RPS6KA2: variants seen among roughly 807,000 people sequenced by gnomAD.
RPS6KA2 encodes the protein ribosomal protein S6 kinase alpha-2.
Under a neutral mutation model 91.8 loss-of-function variants are expected in RPS6KA2, and 42 were observed. That is an observed-to-expected ratio of 0.46 (90% CI 0.36 to 0.59). The LOEUF (loss-of-function observed/expected upper bound fraction) is 0.59, where lower values mean the gene tolerates loss of function less well. Ranked by LOEUF, RPS6KA2 falls within the 20% of genes least tolerant of loss-of-function variation. The probability of loss-of-function intolerance (pLI) is 0.00; values close to 1 mark genes in which losing one functional copy is unlikely to be tolerated. For synonymous variants in RPS6KA2, 414 were observed against 393.6 expected (o/e 1.05, Z -0.61); for missense variants, 798 against 978.5 (o/e 0.82, Z 2.46).
At chr6:166,713,405 A>G (rs1399906420) in intron 2 of RPS6KA2, among the ~76,000 whole-genome samples, 1 of 152,242 alleles carries the variant, frequency 6.6e-6, no homozygotes, top group Non-Finnish European at 1.5e-5. Context: ...AGGGAGAAGA[A>G]AGAGCAGATT....
At chr6:166,414,228 G>C (rs746098920) in intron 19 of RPS6KA2, among the ~76,000 whole-genome samples, 5 of 152,158 alleles carry the variant, frequency 3.3e-5, no homozygotes, top group Non-Finnish European at 7.4e-5. Flanking sequence ...ATGAAACACT[G>C]TTTCTTGTAA....
chr6:166,824,242 C>T (rs373427030), intron 2 of RPS6KA2, among the ~76,000 whole-genome samples: 23 of 152,256 alleles, frequency 1.5e-4, no homozygotes, highest in African/African-American at 5.1e-4. Context: ...AGGGAGGCAG[C>T]GAGGGAGGGC....
At chr6:166,457,707 C>A (rs981675265) in intron 12 of RPS6KA2, among the ~76,000 whole-genome samples, 3 of 152,144 alleles carry the variant, frequency 2.0e-5, no homozygotes, top group African/African-American at 7.2e-5. Context: ...ATCAAAAGTC[C>A]CGCTAAAAGC....
chr6:166,778,864 C>T (rs535132755), intron 2 of RPS6KA2, among the ~76,000 whole-genome samples: 34 of 152,352 alleles, frequency 2.2e-4, no homozygotes, highest in South Asian at 4.1e-4. Flanking sequence ...GCACCGTAAG[C>T]GCCACGCTGC....
chr6:166,798,902 A>G (rs1260790421), intron 2 of RPS6KA2, among the ~76,000 whole-genome samples: 8 of 152,300 alleles, frequency 5.3e-5, no homozygotes. Flanking sequence ...ATCAGCAGCC[A>G]ATTGTACCCA....
At chr6:166,815,581 G>A (rs1779739926) in intron 2 of RPS6KA2, among the ~76,000 whole-genome samples, 1 of 152,294 alleles carries the variant, frequency 6.6e-6, no homozygotes, top group East Asian at 1.9e-4. Flanking sequence ...GAAATAATCT[G>A]ATGTGCAAAG....
In RPS6KA2 at chr6:166,433,281, G is replaced by A. The variant is rs1430366854; in HGVS notation, c.1333-791C>T. ...GACCTGCCTTGCTGTTTAGACATATGCAAGCTCCCCTCCCCCGCCCAGCAT... is the reference window on the plus strand; with the variant it reads ...GACCTGCCTTGCTGTTTAGACATATACAAGCTCCCCTCCCCCGCCCAGCAT... On this transcript the variant is annotated intron_variant, in intron 14 of 20. Transcript: ENST00000265678. The surrounding 1 kb of genome is among the most constrained non-coding windows in gnomAD (Gnocchi z 4.4). 6.6e-6 allele frequency among the ~76,000 whole-genome samples: 1 copy of A among 152,144 alleles called. No homozygotes were observed. The highest frequency in any genetic ancestry group is 2.4e-5 in the African/African-American group (1 of 41,450).
intron 11 of RPS6KA2, among the ~76,000 whole-genome samples, chr6:166,469,359 C>T (rs9348138): frequency 0.11 from 16,185 of 142,940 alleles, 1,306 homozygotes; most frequent in East Asian, 0.41. Flanking sequence ...GTGACTTCCA[C>T]GTGGGCATCA....
chr6:166,692,843 T>A (rs1246921334), intron 2 of RPS6KA2, among the ~76,000 whole-genome samples: 1 of 152,168 alleles, frequency 6.6e-6, no homozygotes, highest in Non-Finnish European at 1.5e-5. Context: ...AGAGAGAGCA[T>A]GTCGCCTAAG....
exon 1 of RPS6KA2, chr6:166,862,436 G>A: frequency 7.8e-7 from 1 of 1,284,410 alleles, no homozygotes; most frequent in Non-Finnish European, 1.0e-6. Flanking sequence ...GGGCTCTGGG[G>A]AGCTGCTGCC....
At chr6:166,565,293 C>T (rs545053078) in intron 1 of RPS6KA2, among the ~76,000 whole-genome samples, 2 of 152,362 alleles carry the variant, frequency 1.3e-5, no homozygotes, top group East Asian at 1.9e-4. Flanking sequence ...GTGCTGACAG[C>T]GAGGCGGTGG....
intron 2 of RPS6KA2, among the ~76,000 whole-genome samples, chr6:166,784,418 G>C (rs1369452131): frequency 4.2e-5 from 1 of 23,878 alleles, no homozygotes; most frequent in African/African-American, 1.9e-4. Context: ...GCACACCTAT[G>C]CAGAACCACA....
intron 10 of RPS6KA2, among the ~76,000 whole-genome samples, chr6:166,476,848 T>C (rs1391815966): frequency 3.3e-5 from 5 of 152,132 alleles, no homozygotes; most frequent in Non-Finnish European, 5.9e-5. Context: ...AGAGCTCTTA[T>C]CAGACAGGCT....
chr6:166,761,795 T>C (rs941774745), intron 2 of RPS6KA2, among the ~76,000 whole-genome samples: 1 of 152,022 alleles, frequency 6.6e-6, no homozygotes, highest in Non-Finnish European at 1.5e-5. Context: ...GATAGGAAGG[T>C]GGGACCGCAC....
In RPS6KA2 at chr6:166,719,635, G is replaced by A. The variant is rs58021107; in HGVS notation, c.123+138565C>T. Among the ~76,000 whole-genome samples the A allele has an allele frequency of 6.4e-3, 970 of 152,322 alleles. 4 individuals carry two copies. The highest frequency in any genetic ancestry group is 0.021 in the African/African-American group (885 of 41,572). ...TGAAACTAACTCAGTGTTTGATCAT[G>A]TATTATTAAATGTCAAAGGAATGAT... On this transcript the variant is annotated intron_variant, in intron 2 of 21. Coordinates refer to the RPS6KA2 transcript ENST00000503859.
At chr6:166,681,095 T>G (rs1461432005) in intron 2 of RPS6KA2, among the ~76,000 whole-genome samples, 1 of 152,036 alleles carries the variant, frequency 6.6e-6, no homozygotes, top group Non-Finnish European at 1.5e-5. Flanking sequence ...GCAGGGAAAA[T>G]TGGAGAAGGT....
At chr6:166,537,319 A>T (rs903853876) in intron 2 of RPS6KA2, among the ~76,000 whole-genome samples, 1 of 152,254 alleles carries the variant, frequency 6.6e-6, no homozygotes, top group East Asian at 1.9e-4. Flanking sequence ...TTTTTTCTCT[A>T]CATTTCTAAT....
chr6:166,802,645 C>T (rs1044379518), intron 2 of RPS6KA2, among the ~76,000 whole-genome samples: 5 of 152,142 alleles, frequency 3.3e-5, no homozygotes, highest in African/African-American at 1.2e-4. Flanking sequence ...GATGGGCTCC[C>T]CCAGTTTGCA....
At chr6:166,675,580 A>G (rs1243735356) in intron 2 of RPS6KA2, among the ~76,000 whole-genome samples, 1 of 151,992 alleles carries the variant, frequency 6.6e-6, no homozygotes, top group Non-Finnish European at 1.5e-5. Context: ...CTCCACAGCC[A>G]TGGACAACAT....
Sources: allele counts gnomAD v4.1 joint callset (sites outside exome capture counted in the v4.1 genomes callset), GRCh38; gene constraint gnomAD v4.1.1; non-coding constraint Gnocchi (gnomAD v3.1); transcripts MANE v1.5; gene names NCBI Gene and HGNC (gene_info 2026-07-23, HGNC 2026-07-21).